DDX42: variants seen among roughly 807,000 people sequenced by gnomAD.
DDX42 encodes the protein ATP-dependent RNA helicase DDX42.
In DDX42, 22 loss-of-function variants were observed where a neutral mutation model predicts 101.5. The observed-to-expected ratio is 0.22, with a 90% CI of 0.15 to 0.31. The LOEUF is 0.31. DDX42 is among the 10% of genes least tolerant of loss of function. The pLI, the probability that DDX42 is intolerant of heterozygous loss-of-function variation, is 1.00. For missense variants in DDX42, 849 were observed against 1,199.9 expected, an observed-to-expected ratio of 0.71 and a Z score of 4.32; for synonymous variants, 402 against 401.2, an observed-to-expected ratio of 1.00 and a Z score of -0.02.
chr17:63,791,871 C>T lies in DDX42; in HGVS notation c.222-541C>T, dbSNP rs192166038. ...GACCAGCCTGGCCAACATGGTGAAA[C>T]CCCTGTCTCTACTAAAAATACAAAA... is the stretch of plus-strand genomic sequence containing the variant. On this transcript the variant is annotated intron_variant, in intron 2 of 17. Coordinates refer to ENST00000389924, the MANE Select transcript of DDX42 (RefSeq NM_203499.3). Among the ~76,000 whole-genome samples, 163 of 151,850 alleles carry T rather than the reference C, an allele frequency of 1.1e-3. 2 individuals are homozygous for T. The highest frequency in any genetic ancestry group is 0.011 in the Admixed American group (163 of 15,224).
chr17:63,806,811 A>C (rs1410107374), intron 8 of DDX42, among the ~76,000 whole-genome samples, 157 bp downstream of exon 8: 9 of 152,252 alleles, frequency 5.9e-5, no homozygotes, highest in Non-Finnish European at 1.3e-4. Context: ...TAAATGGCTG[A>C]CAAATATTCT....
intron 3 of DDX42, 84 bp from the exon 4 acceptor site, chr17:63,797,954 A>G (rs2039713731): frequency 1.0e-5 from 13 of 1,284,718 alleles, no homozygotes; most frequent in African/African-American, 1.5e-5. Context: ...AGCTAAAGCT[A>G]TTATGGCACT....
At chr17:63,775,377 G>A (rs1050355022) in intron 1 of DDX42, among the ~76,000 whole-genome samples, 2 of 152,266 alleles carry the variant, frequency 1.3e-5, no homozygotes, top group East Asian at 1.9e-4. Context: ...TGCCTTTGGG[G>A]AACTTAACTT....
chr17:63,796,609 C>T (rs2039696049), intron 3 of DDX42, among the ~76,000 whole-genome samples: 1 of 152,252 alleles, frequency 6.6e-6, no homozygotes, highest in South Asian at 2.1e-4. Flanking sequence ...AGCCACCGCA[C>T]CCGGCCCAGA....
chr17:63,800,946 C>T (rs2039758579), intron 6 of DDX42, among the ~76,000 whole-genome samples: 2 of 38,976 alleles, frequency 5.1e-5, no homozygotes, highest in South Asian at 2.3e-3. Context: ...TTCTTTCCTT[C>T]CTTCCTTTCT....
chr17:63,808,172 TA>T (rs2039865322), intron 9 of DDX42, among the ~76,000 whole-genome samples: 1 of 152,210 alleles, frequency 6.6e-6, no homozygotes, highest in South Asian at 2.1e-4. Context: ...TGTTTTTATT[TA>T]TTTTTATTTA....
At chr17:63,799,716 C>T (rs771990810) in intron 5 of DDX42, 91 bp downstream of exon 5, 21 of 1,266,886 alleles carry the variant, frequency 1.7e-5, no homozygotes, top group Admixed American at 6.6e-5. Flanking sequence ...TCAAAATGGC[C>T]ATTCCTGACA....
At chr17:63,774,583 A>G (rs895301185) in intron 1 of DDX42, 21 of 157,482 alleles carry the variant, frequency 1.3e-4, no homozygotes, top group African/African-American at 4.3e-4. Flanking sequence ...TCGCCCTCCC[A>G]CAGCTCCCGC....
intron 11 of DDX42, among the ~76,000 whole-genome samples, chr17:63,809,902 T>C (rs1475249391): frequency 6.6e-6 from 1 of 152,202 alleles, no homozygotes; most frequent in African/African-American, 2.4e-5. Flanking sequence ...TTTCTCTGTC[T>C]TCATTTTTAT....
chr17:63,804,068 C>T (rs1005981676), intron 6 of DDX42, among the ~76,000 whole-genome samples: 17 of 152,162 alleles, frequency 1.1e-4, no homozygotes, highest in Middle Eastern at 3.4e-3. Context: ...AATAGTGTCA[C>T]TCTTCTTCCA....
intron 6 of DDX42, among the ~76,000 whole-genome samples, chr17:63,803,498 G>A (rs2039798433): frequency 6.8e-6 from 1 of 147,866 alleles, no homozygotes; most frequent in Admixed American, 6.7e-5. Context: ...AACCTTGGAG[G>A]AGGAGGTTGC....
intron 7 of DDX42, chr17:63,805,441 G>A (rs2039827325): frequency 3.3e-6 from 1 of 303,486 alleles, no homozygotes; most frequent in African/African-American, 2.2e-5. Context: ...TAGTGATGAA[G>A]GGTGGGAGTC....
chr17:63,799,607 T>A lies in DDX42; in HGVS notation c.453T>A (p.Ile151=), dbSNP rs1292699784. The A allele has an allele frequency of 3.7e-6, 6 of 1,612,898 alleles. No homozygotes were observed. The highest frequency in any genetic ancestry group is 4.2e-6 in the Non-Finnish European group (5 of 1,179,214). The part of the protein sequence containing the change: ...RKNVKGIRDD[I]EEEDDQEAYF... ...TTTCCAGGGGTATTCGAGATGACAT[T>A]GAAGAGGAAGATGACCAAGTGAGTT... Residue 151 remains isoleucine (I), a synonymous_variant, in exon 5 of 18, where the codon ATT becomes ATA. Coordinates refer to ENST00000389924, the MANE Select transcript of DDX42 (RefSeq NM_203499.3).
At chr17:63,777,782 T>C (rs1289684104) in intron 1 of DDX42, among the ~76,000 whole-genome samples, 1 of 152,126 alleles carries the variant, frequency 6.6e-6, no homozygotes, top group Non-Finnish European at 1.5e-5. Context: ...ATCATATTCA[T>C]GTCTTTAGGA....
chr17:63,794,828 C>T (rs950607095), intron 3 of DDX42, among the ~76,000 whole-genome samples: 6 of 150,868 alleles, frequency 4.0e-5, no homozygotes, highest in East Asian at 2.0e-4. Flanking sequence ...TCCTGCTACT[C>T]GGGAGGCTGA....
At chr17:63,811,602 A>C (rs942806554) in intron 13 of DDX42, 2 of 462,934 alleles carry the variant, frequency 4.3e-6, no homozygotes, top group Admixed American at 3.5e-5. Flanking sequence ...TTACCTGTAC[A>C]TATGCGCTAT....
At chr17:63,784,207 T>G (rs920330736) in intron 1 of DDX42, among the ~76,000 whole-genome samples, 7 of 152,226 alleles carry the variant, frequency 4.6e-5, no homozygotes, top group African/African-American at 1.7e-4. Flanking sequence ...TTCGACAATG[T>G]TACTATAATA....
chr17:63,788,549 G>T (rs371095567), intron 2 of DDX42, among the ~76,000 whole-genome samples: 1 of 151,646 alleles, frequency 6.6e-6, no homozygotes, highest in Non-Finnish European at 1.5e-5. Flanking sequence ...CTCATGATCC[G>T]CCCGCCTCAG....
chr17:63,816,523 C>CTTTTCATCT (rs2039978885), intron 16 of DDX42: 1 of 169,344 alleles, frequency 5.9e-6, no homozygotes, highest in African/African-American at 2.4e-5. Context: ...GATTCAGGGC[C>CTTTTCATCT]TGAGCAGTCA....
Sources: gnomAD v4.1 joint callset for allele counts (sites outside exome capture counted in the v4.1 genomes callset) on GRCh38, gnomAD v4.1.1 for gene constraint, MANE v1.5 for transcripts, NCBI Gene and HGNC (gene_info 2026-07-23, HGNC 2026-07-21) for gene names.